The following PPARGC1A variants were observed in gnomAD, a reference collection of about 807,000 sequenced individuals.
PPARGC1A encodes peroxisome proliferator-activated receptor gamma coactivator 1-alpha.
Under a neutral mutation model 88.7 loss-of-function variants are expected in PPARGC1A, and 25 were observed. The observed-to-expected ratio is 0.28, with a 90% CI of 0.21 to 0.39. The LOEUF (loss-of-function observed/expected upper bound fraction) is 0.39, where lower values mean the gene tolerates loss of function less well. Among genes scored for constraint, PPARGC1A ranks in the 10% least tolerant of loss-of-function variants. The pLI, the probability that PPARGC1A is intolerant of heterozygous loss-of-function variation, is 1.00. For synonymous variants in PPARGC1A, 363 were observed against 355.6 expected, an observed-to-expected ratio of 1.02 and a Z score of -0.24; for missense variants, 880 against 968.7, an observed-to-expected ratio of 0.91 and a Z score of 1.22.
upstream of PPARGC1A, among the ~76,000 whole-genome samples, chr4:23,906,348 C>T (rs576991751): frequency 1.5e-4 from 23 of 151,790 alleles, no homozygotes; most frequent in South Asian, 1.9e-3. Context: ...CGCGGTGGCT[C>T]ATGCCTGTAA....
At chr4:23,977,890 C>T in the PPARGC1A span, among the ~76,000 whole-genome samples, 125 of 152,260 alleles carry the variant, frequency 8.2e-4, no homozygotes, top group Non-Finnish European at 1.5e-3. Context: ...GTATTATAAG[C>T]CACCTGATAA....
chr4:23,981,380 C>A, the PPARGC1A span, among the ~76,000 whole-genome samples: 8 of 152,078 alleles, frequency 5.3e-5, no homozygotes, highest in African/African-American at 9.7e-5. Context: ...CAAAGTTAAA[C>A]AGCATAGACA....
At chr4:24,041,709 T>C in the PPARGC1A span, among the ~76,000 whole-genome samples, 1 of 152,168 alleles carries the variant, frequency 6.6e-6, no homozygotes, top group Non-Finnish European at 1.5e-5. Flanking sequence ...CATGAACTTT[T>C]TGATACAATG....
the PPARGC1A span, among the ~76,000 whole-genome samples, chr4:23,995,500 C>T: frequency 1.3e-5 from 2 of 152,180 alleles, no homozygotes; most frequent in African/African-American, 4.8e-5. Context: ...TTCAAATTCC[C>T]TCAGCTTTGC....
the PPARGC1A span, among the ~76,000 whole-genome samples, chr4:24,281,348 C>T: frequency 6.6e-6 from 1 of 152,194 alleles, no homozygotes. Flanking sequence ...CTGGTGAGAG[C>T]CTCAGGCTGT....
chr4:24,097,437 T>C, the PPARGC1A span, among the ~76,000 whole-genome samples: 1 of 152,334 alleles, frequency 6.6e-6, no homozygotes. Context: ...GCCCACGTTA[T>C]ACATTTCCAC....
chr4:23,923,095 G>A, the PPARGC1A span, among the ~76,000 whole-genome samples: 1 of 146,738 alleles, frequency 6.8e-6, no homozygotes, highest in Non-Finnish European at 1.5e-5. Context: ...AGAGCCTTTA[G>A]TACACTGGGT....
chr4:23,806,545 G>A (rs952396005), intron 10 of PPARGC1A, among the ~76,000 whole-genome samples: 2 of 152,110 alleles, frequency 1.3e-5, no homozygotes, highest in Non-Finnish European at 2.9e-5. Flanking sequence ...AATGATTTTC[G>A]GACCAGTTTT....
chr4:23,950,676 C>T, the PPARGC1A span, among the ~76,000 whole-genome samples: 1 of 152,124 alleles, frequency 6.6e-6, no homozygotes, highest in East Asian at 1.9e-4. Flanking sequence ...TCCTGTGTGA[C>T]AATGGACATT....
the PPARGC1A span, among the ~76,000 whole-genome samples, chr4:23,933,618 G>A: frequency 2.0e-5 from 3 of 152,326 alleles, no homozygotes; most frequent in Admixed American, 6.5e-5. Flanking sequence ...AACTCTGAGA[G>A]GCTAGAAAGC....
the PPARGC1A span, among the ~76,000 whole-genome samples, chr4:24,270,306 CCTCTCT>C: frequency 8.9e-3 from 1,312 of 147,282 alleles, 41 homozygotes; most frequent in East Asian, 0.12. Flanking sequence ...AATAAATCAA[CCTCTCT>C]CTCTCTCTCT....
chr4:23,851,657 A>T (rs942581118), intron 2 of PPARGC1A, among the ~76,000 whole-genome samples: 7 of 152,176 alleles, frequency 4.6e-5, no homozygotes, highest in Admixed American at 1.3e-4. Context: ...CTTGCAAAAA[A>T]CTTAACACTG....
chr4:24,327,562 A>G, the PPARGC1A span, among the ~76,000 whole-genome samples: 1 of 152,046 alleles, frequency 6.6e-6, no homozygotes, highest in South Asian at 2.1e-4. Context: ...AATTCATACA[A>G]AACCGTATCC....
the PPARGC1A span, among the ~76,000 whole-genome samples, chr4:24,163,664 G>A: frequency 0.1 from 15,272 of 152,210 alleles, 813 homozygotes; most frequent in African/African-American, 0.14. Flanking sequence ...TGACGCTATA[G>A]CAATACTGAT....
chr4:24,155,746 C>T, the PPARGC1A span, among the ~76,000 whole-genome samples: 1 of 152,148 alleles, frequency 6.6e-6, no homozygotes, highest in Non-Finnish European at 1.5e-5. Flanking sequence ...GTGAACATTA[C>T]TCTAGGTTTG....
chr4:24,459,276 C>T, the PPARGC1A span, among the ~76,000 whole-genome samples: 6 of 152,204 alleles, frequency 3.9e-5, no homozygotes, highest in East Asian at 1.9e-4. Flanking sequence ...TGGCTCTGCC[C>T]ATCTAAGTTC....
chr4:23,927,069 C>T, the PPARGC1A span, among the ~76,000 whole-genome samples: 1 of 152,214 alleles, frequency 6.6e-6, no homozygotes, highest in Non-Finnish European at 1.5e-5. Context: ...GCATTTAATA[C>T]ATCTAACCTA....
chr4:24,271,671 A>T, the PPARGC1A span, among the ~76,000 whole-genome samples: 1 of 152,160 alleles, frequency 6.6e-6, no homozygotes, highest in Admixed American at 6.5e-5. Context: ...GCCGAGTTCA[A>T]ATCTCAGTGG....
chr4:24,227,865 C>CA, the PPARGC1A span, among the ~76,000 whole-genome samples: 3 of 152,146 alleles, frequency 2.0e-5, no homozygotes, highest in Non-Finnish European at 4.4e-5. Context: ...TGATGAGAGG[C>CA]AAAAAATAAC....
Sources: allele counts gnomAD v4.1 joint callset (sites outside exome capture counted in the v4.1 genomes callset), GRCh38; gene constraint gnomAD v4.1.1; transcripts MANE v1.5; gene names NCBI Gene and HGNC (gene_info 2026-07-23, HGNC 2026-07-21).